Variants in BORCS5 observed in about 807,000 individuals in gnomAD.
The protein encoded by BORCS5 is BLOC-1-related complex subunit 5.
A neutral mutation model predicts 22.1 loss-of-function variants in BORCS5; 17 were observed. That is an observed-to-expected ratio of 0.77 (90% confidence interval 0.53 to 1.15). The LOEUF (loss-of-function observed/expected upper bound fraction) is 1.15, where lower values mean the gene tolerates loss of function less well. Among genes scored for constraint, BORCS5 ranks in the 50% most tolerant of loss-of-function variants. BORCS5 has a pLI of 0.00. For synonymous variants in BORCS5, 117 were observed against 99.8 expected (o/e 1.17, Z -1.03); for missense variants, 247 against 253.2 (o/e 0.98, Z 0.17).
intron 2 of BORCS5, among the ~76,000 whole-genome samples, chr12:12,409,765 A>G (rs1243343888): frequency 6.6e-6 from 1 of 151,710 alleles, no homozygotes; most frequent in South Asian, 2.1e-4. Context: ...TGGCTGGGTC[A>G]AATGGTATTT....
chr12:12,413,457 T>A (rs1177035037), intron 2 of BORCS5, among the ~76,000 whole-genome samples: 1 of 149,764 alleles, frequency 6.7e-6, no homozygotes, highest in Non-Finnish European at 1.5e-5. Context: ...CAGAACAAAA[T>A]GAAAAGTCTC....
chr12:12,421,649 T>C (rs1053699595), intron 2 of BORCS5, among the ~76,000 whole-genome samples: 1 of 152,236 alleles, frequency 6.6e-6, no homozygotes, highest in Admixed American at 6.5e-5. Context: ...TTTGTACCTC[T>C]GGTAGAATTT....
intron 2 of BORCS5, among the ~76,000 whole-genome samples, chr12:12,421,393 A>C (rs549570764): frequency 6.6e-6 from 1 of 152,178 alleles, no homozygotes; most frequent in Non-Finnish European, 1.5e-5. Flanking sequence ...CATCCCAGGG[A>C]TGAAGCCGAC....
At position 12,458,188 on chromosome 12, in the gene BORCS5, C is replaced by T. The variant is rs117710926; in HGVS notation, c.361-7358C>T. Among the ~76,000 whole-genome samples the T allele has an allele frequency of 3.0e-4, 46 of 152,262 alleles. 1 individual carries two copies. The East Asian group carries it at 7.5e-3, about 25-fold the overall frequency. ...CATCTTGCTTAACAGTGCCCAAGGG[C>T]ACAAGCTTCACACTGTTAATAGTTT... On this transcript the variant is annotated intron_variant, in intron 3 of 3. Transcript: ENST00000314565.
intron 3 of BORCS5, chr12:12,452,345 G>A (rs1158511866): frequency 2.9e-6 from 2 of 685,580 alleles, no homozygotes; most frequent in Admixed American, 1.9e-5. Flanking sequence ...ATTGTGAACC[G>A]TGTCTACATG....
rs202181522 is a variant in BORCS5 at position 12,470,068 on chromosome 12, G to GTGT, written c.*4306_*4308dup. 6.5e-3 allele frequency among the ~76,000 whole-genome samples: 986 copies of GTGT among 152,026 alleles called. 7 individuals carry two copies. Among genetic ancestry groups the GTGT allele is most frequent in the African/African-American group, 0.023 (960 of 41,470 alleles). ...GGCGGATGAGCAGGTGAAGCTTCAC[G>GTGT]TGTTGTTGTTGTTGTTTATTGAGAT... is the stretch of plus-strand genomic sequence containing the variant. On this transcript the variant is annotated 3_prime_UTR_variant, in exon 4 of 4. Transcript: ENST00000314565.
At chr12:12,388,145 C>A (rs1304821227) in intron 2 of BORCS5, among the ~76,000 whole-genome samples, 1 of 151,324 alleles carries the variant, frequency 6.6e-6, no homozygotes, top group Non-Finnish European at 1.5e-5. Context: ...CAGTACCATG[C>A]TTATTATGTA....
chr12:12,420,160 A>G (rs1864310121), intron 2 of BORCS5, among the ~76,000 whole-genome samples: 1 of 146,478 alleles, frequency 6.8e-6, no homozygotes, highest in Admixed American at 6.7e-5. Flanking sequence ...GTTTTCTTCT[A>G]GGGTTTTTAT....
chr12:12,390,798 A>C (rs1941157694), intron 2 of BORCS5, among the ~76,000 whole-genome samples: 1 of 151,728 alleles, frequency 6.6e-6, no homozygotes, highest in African/African-American at 2.4e-5. Context: ...AAAAAAAAAA[A>C]AATTATGGTC....
chr12:12,409,853 A>G (rs1157016853), intron 2 of BORCS5, among the ~76,000 whole-genome samples: 1 of 151,912 alleles, frequency 6.6e-6, no homozygotes, highest in Non-Finnish European at 1.5e-5. Context: ...CCAACAGTGT[A>G]AAAGTGTTCC....
In BORCS5 at chr12:12,465,704, C is replaced by A; in HGVS notation, c.519C>A (p.Leu173=). 1 of 1,614,240 alleles carries A rather than the reference C, an allele frequency of 6.2e-7. No homozygotes were observed. The highest frequency in any genetic ancestry group is 8.5e-7 in the Non-Finnish European group (1 of 1,180,042). ...AGACTGTGCCCCTGCTGGACAGGCTCAACAGCATGCTGCCCGAGGGCGAGC... is the reference window on the plus strand; with the variant it reads ...AGACTGTGCCCCTGCTGGACAGGCTAAACAGCATGCTGCCCGAGGGCGAGC... ...IDQTVPLLDR[L]NSMLPEGERL... is the part of the protein sequence containing the mutation. The change falls in exon 4 of 4, where the codon CTC becomes CTA. Residue 173 remains leucine (L), a synonymous_variant. Transcript: ENST00000314565.
intron 2 of BORCS5, among the ~76,000 whole-genome samples, chr12:12,414,195 GC>G (rs1941840428): frequency 1.0e-5 from 1 of 99,452 alleles, no homozygotes. Flanking sequence ...GGGGCGGCTG[GC>G]CAGGCGGGGG....
At chr12:12,429,753 T>A (rs1942374273) in intron 2 of BORCS5, among the ~76,000 whole-genome samples, 3 of 152,180 alleles carry the variant, frequency 2.0e-5, no homozygotes, top group Admixed American at 2.0e-4. Flanking sequence ...GAGCTAAGGT[T>A]GGGTTCTGGG....
At position 12,465,616 on chromosome 12, in the gene BORCS5, A is replaced by G. The variant is rs1483865311; in HGVS notation, c.431A>G (p.Glu144Gly). 1.2e-6 allele frequency: 2 copies of G among 1,614,270 alleles called. No individual in the cohort carries two copies. Reference sequence around the variant, plus strand: ...CAGAAAAGATACGCCAAGTATGCCGAGCAGATCCAGAAAGTGAACGAGATG... The same window carrying G: ...CAGAAAAGATACGCCAAGTATGCCGGGCAGATCCAGAAAGTGAACGAGATG... ...ERQKRYAKYAEQIQKVNEMSA... is the reference protein window; with the variant it reads ...ERQKRYAKYAGQIQKVNEMSA... The change falls in exon 4 of 4, where the codon GAG becomes GGG. Residue 144 changes from glutamate (E) to glycine (G), a missense_variant. Physicochemically the swap from Glu to Gly is moderately conservative, Grantham distance 98. Transcript: ENST00000314565.
chr12:12,427,221 T>C (rs1281815718), intron 2 of BORCS5, among the ~76,000 whole-genome samples: 1 of 133,158 alleles, frequency 7.5e-6, no homozygotes, highest in Non-Finnish European at 1.5e-5. Context: ...CGCACTCTCG[T>C]CCAGGCTGGA....
intron 2 of BORCS5, among the ~76,000 whole-genome samples, chr12:12,396,856 T>C (rs1941361087): frequency 6.6e-6 from 1 of 152,230 alleles, no homozygotes; most frequent in African/African-American, 2.4e-5. Context: ...CTGCGGTCTT[T>C]CCGGAACACT....
At chr12:12,418,933 T>G (rs1401963833) in intron 2 of BORCS5, among the ~76,000 whole-genome samples, 1 of 152,100 alleles carries the variant, frequency 6.6e-6, no homozygotes, top group East Asian at 1.9e-4. Flanking sequence ...CCTTATAGCT[T>G]TTTTTTGTTT....
Position 12,465,645 on chromosome 12 carries a change from G to A in BORCS5, c.460G>A (p.Ala154Thr), listed in dbSNP as rs752891610. 19 of 1,614,124 alleles carry A rather than the reference G, an allele frequency of 1.2e-5. No individual in the cohort carries two copies. In the African/African-American group the frequency reaches 2.0e-4, roughly 17 times the overall value. ...EQIQKVNEMSAILRRIQMGID... is the reference protein window; with the variant it reads ...EQIQKVNEMSTILRRIQMGID... Reference sequence around the variant, plus strand: ...GATCCAGAAAGTGAACGAGATGTCCGCCATCCTCCGCCGCATACAGATGGG... The same window carrying A: ...GATCCAGAAAGTGAACGAGATGTCCACCATCCTCCGCCGCATACAGATGGG... The change falls in exon 4 of 4, where the codon GCC becomes ACC. Residue 154 changes from alanine (A) to threonine (T), a missense_variant. Transcript: ENST00000314565.
intron 3 of BORCS5, among the ~76,000 whole-genome samples, chr12:12,451,043 C>T (rs1319732275): frequency 6.6e-6 from 1 of 152,176 alleles, no homozygotes; most frequent in African/African-American, 2.4e-5. Context: ...AATAGTCCTC[C>T]AGTATGGATG....
Sources: allele counts gnomAD v4.1 joint callset (sites outside exome capture counted in the v4.1 genomes callset), GRCh38; gene constraint gnomAD v4.1.1; transcripts MANE v1.5; gene names NCBI Gene and HGNC (gene_info 2026-07-23, HGNC 2026-07-21).